The following RHOU variants were observed in gnomAD, a reference collection of about 807,000 sequenced individuals.
RHOU encodes ras homolog family member U.
A neutral mutation model predicts 12.6 loss-of-function variants in RHOU; 8 were observed. The ratio of observed to expected loss-of-function variants is 0.64; its 90% CI spans 0.37 to 1.15. The LOEUF (loss-of-function observed/expected upper bound fraction) is 1.15. RHOU is among the 50% of genes most tolerant of loss of function. RHOU has a pLI of 0.01. For missense variants in RHOU, 258 were observed against 347.0 expected (o/e 0.74, Z 2.04); for synonymous variants, 161 against 147.4 (o/e 1.09, Z -0.67).
the RHOU span, among the ~76,000 whole-genome samples, chr1:228,653,289 G>A: frequency 6.6e-6 from 1 of 152,224 alleles, no homozygotes; most frequent in African/African-American, 2.4e-5. Flanking sequence ...ATGAATAGCT[G>A]GGAGTCAGGC....
the RHOU span, among the ~76,000 whole-genome samples, chr1:228,683,583 A>C: frequency 6.6e-6 from 1 of 151,844 alleles, no homozygotes; most frequent in Admixed American, 6.6e-5. Flanking sequence ...TAAAGAAAAA[A>C]CCCCCACAAA....
Position 228,735,940 on chromosome 1 carries a change from G to GCCA in RHOU, c.198_199insCCA (p.Val66_Val67insPro), listed in dbSNP as rs1326982276. ...GCGCGGTGGGCAAGACGAGCCTGGT[G>GCCA]GTGAGCTACACCACCAACGGCTACC... On this transcript the variant is annotated inframe_insertion, in exon 1 of 3. Coordinates refer to ENST00000366691, the MANE Select transcript of RHOU (RefSeq NM_021205.6). The surrounding 1 kb of genome is among the most constrained non-coding windows in gnomAD (Gnocchi z 8.1). 2 of 1,577,570 alleles carry GCCA rather than the reference G, an allele frequency of 1.3e-6. No individual in the cohort carries two copies. Among genetic ancestry groups the GCCA allele is most frequent in the Non-Finnish European group, 1.7e-6 (2 of 1,165,290 alleles).
At chr1:228,727,803 G>T in the RHOU span, among the ~76,000 whole-genome samples, 1 of 152,174 alleles carries the variant, frequency 6.6e-6, no homozygotes, top group Non-Finnish European at 1.5e-5. Flanking sequence ...GTTGAGAAAT[G>T]ATTACATGGC....
the RHOU span, among the ~76,000 whole-genome samples, chr1:228,682,707 G>A: frequency 6.6e-6 from 1 of 152,154 alleles, no homozygotes; most frequent in Admixed American, 6.5e-5. Flanking sequence ...AGAGGAAAAG[G>A]CAGATCAATA....
At chr1:228,690,393 T>C in the RHOU span, among the ~76,000 whole-genome samples, 293 of 152,006 alleles carry the variant, frequency 1.9e-3, 2 homozygotes, top group East Asian at 5.6e-3. Flanking sequence ...TGGCATGATC[T>C]CGGCTCACCG....
chr1:228,724,143 ACT>A, the RHOU span, among the ~76,000 whole-genome samples: 1 of 152,122 alleles, frequency 6.6e-6, no homozygotes, highest in African/African-American at 2.4e-5. Context: ...CTGTGTGCTC[ACT>A]GACGTATCCC....
At position 228,745,445 on chromosome 1, in the gene RHOU, T is replaced by G. The variant is rs1394573397; in HGVS notation, c.*1705T>G. On this transcript the variant is annotated 3_prime_UTR_variant, in exon 3 of 3. Coordinates refer to ENST00000366691, the MANE Select transcript of RHOU (RefSeq NM_021205.6). ...GTTAAAAAGAAATCCAGTTTGTGTT[T>G]TTCTATAGAAAAAGTAAAAGATCAG... 6.6e-6 allele frequency: 1 copy of G among 152,242 alleles called. No individual in the cohort carries two copies. Among genetic ancestry groups the G allele is most frequent in the East Asian group, 1.9e-4 (1 of 5,204 alleles). The allele number at this position is 152,242 out of a possible 1,614,324, so 9.4% of individuals were successfully genotyped here. A position where few individuals can be genotyped will look rare whatever the true frequency, so the allele number is the denominator to read the frequency against.
the RHOU span, chr1:228,687,619 T>A: frequency 1.3e-6 from 2 of 1,564,964 alleles, no homozygotes; most frequent in East Asian, 2.2e-5. Context: ...AATCAGTCAC[T>A]ACTGGAACTG....
the RHOU span, among the ~76,000 whole-genome samples, chr1:228,648,270 C>T: frequency 1.3e-5 from 2 of 152,236 alleles, no homozygotes; most frequent in Non-Finnish European, 2.9e-5. Flanking sequence ...CTCGCTGGAC[C>T]TCCGCGGCGC....
chr1:228,659,969 A>AC, the RHOU span, among the ~76,000 whole-genome samples: 5,117 of 128,312 alleles, frequency 0.04, 312 homozygotes, highest in African/African-American at 0.15. Flanking sequence ...AAAAAAACAA[A>AC]AAAAAAAAAA....
the RHOU span, among the ~76,000 whole-genome samples, chr1:228,655,454 A>C: frequency 2.6e-5 from 4 of 152,172 alleles, no homozygotes; most frequent in Non-Finnish European, 4.4e-5. Context: ...TGGCTTAACA[A>C]ATTTATGCAA....
chr1:228,673,578 T>C, the RHOU span, among the ~76,000 whole-genome samples: 19 of 151,388 alleles, frequency 1.3e-4, no homozygotes, highest in African/African-American at 3.9e-4. Context: ...CATGAGAGAG[T>C]TTTCAAGAGA....
chr1:228,653,995 T>G, the RHOU span, among the ~76,000 whole-genome samples: 1 of 152,222 alleles, frequency 6.6e-6, no homozygotes, highest in Admixed American at 6.5e-5. Context: ...GAGTTTTTAT[T>G]ATTTGCCTGT....
upstream of RHOU, chr1:228,735,415 CCCCGCCAGCCCGCCCGCCTG>C: frequency 5.7e-6 from 1 of 176,110 alleles, no homozygotes; most frequent in Non-Finnish European, 1.2e-5. The surrounding 1 kb of genome is among the most constrained non-coding windows in gnomAD (Gnocchi z 8.1). Flanking sequence ...TCTTTTCCCT[CCCCGCCAGCCCGCCCGCCTG>C]CCCGCCCCCC....
At chr1:228,663,954 C>T in the RHOU span, among the ~76,000 whole-genome samples, 1 of 141,998 alleles carries the variant, frequency 7.0e-6, no homozygotes, top group South Asian at 2.3e-4. Context: ...ATTTCTTTTT[C>T]TTCTCCCCTC....
At chr1:228,683,134 AC>A in the RHOU span, among the ~76,000 whole-genome samples, 1 of 149,648 alleles carries the variant, frequency 6.7e-6, no homozygotes, top group Non-Finnish European at 1.5e-5. Flanking sequence ...GGAGTCAACT[AC>A]ACCTGACAGA....
At position 228,735,971 on chromosome 1, in the gene RHOU, GAGT is replaced by G; in HGVS notation, c.231_233del (p.Glu77_Tyr78delinsAsp). ...CTACACCACCAACGGCTACCCCACC[GAGT>G]ACATCCCTACTGCCTTCGACAACTT... is the stretch of plus-strand genomic sequence containing the variant. On this transcript the variant is annotated inframe_deletion, in exon 1 of 3. Coordinates refer to ENST00000366691, the MANE Select transcript of RHOU (RefSeq NM_021205.6). This position sits in a 1 kb window ranked among gnomAD's most constrained non-coding sequence, Gnocchi z 8.1. 6.3e-7 allele frequency: 1 copy of G among 1,583,360 alleles called. No individual in the cohort carries two copies. The highest frequency in any genetic ancestry group is 8.6e-7 in the Non-Finnish European group (1 of 1,169,198).
intron 1 of RHOU, 51 bp downstream of exon 1, chr1:228,736,055 A>T: frequency 6.5e-7 from 1 of 1,535,824 alleles, no homozygotes. Context: ...CGGTCCACCC[A>T]GGGGAAGGAA....
At chr1:228,739,888 A>C (rs1370558209) in intron 2 of RHOU, among the ~76,000 whole-genome samples, 3 of 152,202 alleles carry the variant, frequency 2.0e-5, no homozygotes, top group Non-Finnish European at 4.4e-5. Flanking sequence ...GAATGGATGA[A>C]CCAGAGAAGG....
Sources: gnomAD v4.1 joint callset for allele counts (sites outside exome capture counted in the v4.1 genomes callset) on GRCh38, gnomAD v4.1.1 for gene constraint, Gnocchi (gnomAD v3.1) non-coding constraint, MANE v1.5 for transcripts, NCBI Gene and HGNC (gene_info 2026-07-23, HGNC 2026-07-21) for gene names.